VGLL4: variants seen among roughly 807,000 people sequenced by gnomAD.
VGLL4 encodes transcription cofactor vestigial-like protein 4.
VGLL4 carries 7 observed loss-of-function variants against 21.0 expected under a neutral mutation model. The ratio of observed to expected loss-of-function variants is 0.33; its 90% confidence interval spans 0.19 to 0.63. The LOEUF is 0.63. VGLL4 is among the 20% of genes least tolerant of loss of function. VGLL4 has a pLI of 0.78. For missense variants in VGLL4, 394 were observed against 425.7 expected (o/e 0.93, Z 0.66); for synonymous variants, 222 against 173.2 (o/e 1.28, Z -2.21).
intron 1 of VGLL4, among the ~76,000 whole-genome samples, chr3:11,709,318 T>C (rs2076805451): frequency 6.6e-6 from 1 of 150,920 alleles, no homozygotes; most frequent in Non-Finnish European, 1.5e-5. Flanking sequence ...GCACCTGTAA[T>C]CCCAGCTACT....
chr3:11,641,258 C>T (rs1484773488), intron 1 of VGLL4, among the ~76,000 whole-genome samples: 1 of 151,848 alleles, frequency 6.6e-6, no homozygotes, highest in Non-Finnish European at 1.5e-5. Flanking sequence ...ACTAAAATGT[C>T]ATAAAATTAA....
chr3:11,651,816 C>A (rs578210243), intron 2 of VGLL4, among the ~76,000 whole-genome samples: 1 of 151,096 alleles, frequency 6.6e-6, no homozygotes, highest in African/African-American at 2.4e-5. Flanking sequence ...TTGTTACTTT[C>A]TTTTAAGAAT....
intron 1 of VGLL4, among the ~76,000 whole-genome samples, chr3:11,616,382 T>C (rs1238242830): frequency 6.6e-6 from 1 of 151,708 alleles, no homozygotes; most frequent in African/African-American, 2.4e-5. Context: ...ACGGTGGTAC[T>C]ATTTACAAAC....
Position 11,558,730 on chromosome 3 carries a change from G to T in VGLL4, c.717C>A (p.Ile239=). The part of the protein sequence containing the change: ...EPEPAPNSVS[I]TGSVDDHFAK... ...CAAAGTGGTCGTCCACGGAGCCCGT[G>T]ATGGACACGGAGTTGGGTGCCGGCT... Residue 239 remains isoleucine (I), a synonymous_variant, in exon 5 of 5, where the codon ATC becomes ATA. Coordinates refer to ENST00000430365, the MANE Select transcript of VGLL4 (RefSeq NM_001128219.3). 1 of 1,614,204 alleles carries T rather than the reference G, an allele frequency of 6.2e-7. No individual in the cohort carries two copies. Among genetic ancestry groups the T allele is most frequent in the Non-Finnish European group, 8.5e-7 (1 of 1,180,038 alleles).
At chr3:11,573,268 A>AG (rs1559869443) in intron 2 of VGLL4, among the ~76,000 whole-genome samples, 11 of 18,676 alleles carry the variant, frequency 5.9e-4, no homozygotes, top group African/African-American at 6.1e-4. Flanking sequence ...AGAAAGAAAG[A>AG]AAGAAAGAAA....
intron 1 of VGLL4, among the ~76,000 whole-genome samples, chr3:11,625,686 A>C (rs1303110277): frequency 6.6e-6 from 1 of 151,512 alleles, no homozygotes; most frequent in Non-Finnish European, 1.5e-5. Context: ...CCCAACCTTT[A>C]TCCAGGAGCT....
At chr3:11,582,640 T>A (rs1029043421) in intron 2 of VGLL4, among the ~76,000 whole-genome samples, 2 of 152,234 alleles carry the variant, frequency 1.3e-5, no homozygotes, top group African/African-American at 4.8e-5. Context: ...TGTTTCTCCA[T>A]CTTCCATAAC....
chr3:11,563,809 T>A (rs1219674623), intron 3 of VGLL4, among the ~76,000 whole-genome samples: 1 of 152,184 alleles, frequency 6.6e-6, no homozygotes, highest in East Asian at 1.9e-4. Flanking sequence ...CATGTCAGGC[T>A]CTGAGGCAAG....
chr3:11,666,029 T>A (rs937115273), intron 2 of VGLL4, among the ~76,000 whole-genome samples: 4 of 151,938 alleles, frequency 2.6e-5, no homozygotes, highest in African/African-American at 4.8e-5. Flanking sequence ...GGCGGGCGGA[T>A]CACGAGGTCA....
At chr3:11,708,687 C>A (rs2125410726) in intron 1 of VGLL4, among the ~76,000 whole-genome samples, 1 of 152,328 alleles carries the variant, frequency 6.6e-6, no homozygotes, top group African/African-American at 2.4e-5. Context: ...TATGCTGCAT[C>A]TGAAAAACAA....
intron 1 of VGLL4, chr3:11,626,623 G>T (rs968533318): frequency 1.1e-5 from 3 of 269,900 alleles, no homozygotes; most frequent in African/African-American, 6.6e-5. Context: ...ATGAGAATGG[G>T]GCATTCATTC....
intron 2 of VGLL4, chr3:11,582,228 C>T (rs370249325): frequency 1.3e-6 from 2 of 1,573,620 alleles, no homozygotes; most frequent in African/African-American, 1.3e-5. Flanking sequence ...ACAGGGTTGC[C>T]ATCTGGTTTG....
At position 11,659,373 on chromosome 3, in the gene VGLL4, C is replaced by T. The variant is rs189504293; in HGVS notation, c.64+43598G>A. Reference sequence around the variant, plus strand: ...TGAGACAGAGTTTTGCTCTTATTGCCCAGGCTGGAGTGCAATGGTGTGATC... The same window carrying T: ...TGAGACAGAGTTTTGCTCTTATTGCTCAGGCTGGAGTGCAATGGTGTGATC... On this transcript the variant is annotated intron_variant, in intron 2 of 5. Coordinates refer to the VGLL4 transcript ENST00000273038. 1.9e-4 allele frequency among the ~76,000 whole-genome samples: 25 copies of T among 129,582 alleles called. 1 individual carries two copies. The highest frequency in any genetic ancestry group is 7.4e-4 in the African/African-American group (25 of 33,662). 85.0% of individuals were successfully genotyped at this position (129,582 alleles called of 152,430 possible). A position where few individuals can be genotyped will look rare whatever the true frequency, so the allele number is the denominator to read the frequency against.
intron 1 of VGLL4, among the ~76,000 whole-genome samples, chr3:11,716,192 C>T (rs2076916391): frequency 6.6e-6 from 1 of 151,500 alleles, no homozygotes; most frequent in African/African-American, 2.4e-5. Flanking sequence ...ATCCCAGCTA[C>T]TCGGGAGGCT....
intron 2 of VGLL4, among the ~76,000 whole-genome samples, chr3:11,658,699 C>G (rs570515969): frequency 6.7e-6 from 1 of 148,916 alleles, no homozygotes; most frequent in African/African-American, 2.5e-5. Flanking sequence ...AAAATCCATG[C>G]CCTAAATTCT....
At chr3:11,589,045 G>A (rs2074423097) in intron 2 of VGLL4, among the ~76,000 whole-genome samples, 2 of 152,188 alleles carry the variant, frequency 1.3e-5, no homozygotes, top group African/African-American at 2.4e-5. Context: ...GGCCACAGAG[G>A]TGGGAGGGGA....
intron 1 of VGLL4, among the ~76,000 whole-genome samples, chr3:11,629,150 A>C (rs1442115970): frequency 6.6e-6 from 1 of 152,198 alleles, no homozygotes; most frequent in African/African-American, 2.4e-5. Context: ...TTTTAAACAC[A>C]CTATGATTTT....
intron 3 of VGLL4, among the ~76,000 whole-genome samples, chr3:11,562,499 T>C (rs574928341): frequency 6.6e-6 from 1 of 152,274 alleles, no homozygotes; most frequent in East Asian, 1.9e-4. Flanking sequence ...CCCTCCCCAC[T>C]GCCATTTCCC....
In VGLL4 at chr3:11,679,837, A is replaced by C. The variant is rs151178663; in HGVS notation, c.64+23134T>G. Reference sequence around the variant, plus strand: ...ATCAAGTTAAAGGTACAGTAACCTAAGGTTAGTAATTTACTGAAGAGAGAA... The same window carrying C: ...ATCAAGTTAAAGGTACAGTAACCTACGGTTAGTAATTTACTGAAGAGAGAA... On this transcript the variant is annotated intron_variant, in intron 2 of 5. Transcript: ENST00000273038. 1.7e-3 allele frequency among the ~76,000 whole-genome samples: 265 copies of C among 152,322 alleles called. 2 individuals carry two copies. Among genetic ancestry groups the C allele is most frequent in the Middle Eastern group, 3.4e-3 (1 of 294 alleles).
Sources: gnomAD v4.1 joint callset for allele counts (sites outside exome capture counted in the v4.1 genomes callset) on GRCh38, gnomAD v4.1.1 for gene constraint, MANE v1.5 for transcripts, NCBI Gene and HGNC (gene_info 2026-07-23, HGNC 2026-07-21) for gene names.